USH1C: variants seen among roughly 807,000 people sequenced by gnomAD.
USH1C encodes harmonin.
Under a neutral mutation model 119.3 loss-of-function variants are expected in USH1C, and 90 were observed. The observed-to-expected ratio is 0.75, with a 90% confidence interval of 0.64 to 0.90. USH1C has a LOEUF of 0.90. Among genes scored for constraint, USH1C ranks in the 40% least tolerant of loss-of-function variants. The probability of loss-of-function intolerance (pLI) is 0.00; values close to 1 mark genes in which losing one functional copy is unlikely to be tolerated. For synonymous variants in USH1C, 465 were observed against 443.3 expected (o/e 1.05, Z -0.62); for missense variants, 1,165 against 1,167.7 (o/e 1.00, Z 0.03).
intron 1 of USH1C, among the ~76,000 whole-genome samples, chr11:17,541,108 T>C (rs1851448674): frequency 6.6e-6 from 1 of 152,188 alleles, no homozygotes; most frequent in African/African-American, 2.4e-5. Context: ...CTCCTTCTCC[T>C]CACTTCTTCT....
chr11:17,517,309 C>G, intron 14 of USH1C: 1 of 1,310,440 alleles, frequency 7.6e-7, no homozygotes, highest in Non-Finnish European at 1.1e-6. Flanking sequence ...ACATGCTGGG[C>G]CCCTGAAGCT....
chr11:17,533,941 G>A (rs1027922772), intron 1 of USH1C: 6 of 295,962 alleles, frequency 2.0e-5, no homozygotes, highest in South Asian at 6.5e-5. Flanking sequence ...CACAAGCCCC[G>A]CAGGGGGAGC....
At chr11:17,509,198 G>A (rs910800788) in intron 18 of USH1C, among the ~76,000 whole-genome samples, 158 bp downstream of exon 18, 5 of 152,208 alleles carry the variant, frequency 3.3e-5, no homozygotes, top group Non-Finnish European at 1.5e-5. Context: ...ATACATGCAG[G>A]ATGTCCACAC....
chr11:17,504,774 G>T (rs190638847), intron 19 of USH1C, 77 bp from the exon 20 acceptor site: 2 of 1,500,434 alleles, frequency 1.3e-6, no homozygotes, highest in Non-Finnish European at 1.8e-6. Flanking sequence ...GCCAGGCTTC[G>T]GGCCTGCCAG....
intron 2 of USH1C, among the ~76,000 whole-genome samples, chr11:17,532,194 A>T (rs1315139973): frequency 6.6e-6 from 1 of 152,158 alleles, no homozygotes; most frequent in Non-Finnish European, 1.5e-5. Flanking sequence ...CAGATTACTT[A>T]TCTCCATTCA....
intron 21 of USH1C, 33 bp from the exon 22 acceptor site, chr11:17,501,568 C>T: frequency 1.2e-6 from 2 of 1,602,542 alleles, no homozygotes; most frequent in Non-Finnish European, 1.7e-6. Context: ...AAGCTTTGAG[C>T]TGGCCTGAAG....
intron 15 of USH1C, among the ~76,000 whole-genome samples, chr11:17,513,470 G>A (rs371382392): frequency 6.6e-6 from 1 of 152,122 alleles, no homozygotes; most frequent in African/African-American, 2.4e-5. Context: ...GGAGGGACTT[G>A]GTGGGCCATT....
Position 17,526,341 on chromosome 11 carries a change from A to C in USH1C, c.674+6T>G, listed in dbSNP as rs1362626390. 6.2e-7 allele frequency: 1 copy of C among 1,612,662 alleles called. No individual in the cohort carries two copies. The highest frequency in any genetic ancestry group is 8.5e-7 in the Non-Finnish European group (1 of 1,179,016). ...CGAATGACCCCAGGGCATGCCTGCC[A>C]CCCACCTGCAGCCAAGGCCTCGGGA... On this transcript the variant is annotated splice_donor_region_variant and intron_variant, in intron 8 of 26. Transcript: ENST00000005226.
At chr11:17,496,531 A>C (rs1167424104) in intron 25 of USH1C, among the ~76,000 whole-genome samples, 3 of 152,218 alleles carry the variant, frequency 2.0e-5, no homozygotes, top group Non-Finnish European at 4.4e-5. Context: ...AATTCCCCAT[A>C]GTAGAGAAGA....
At chr11:17,516,358 A>C in intron 14 of USH1C, 68 bp from the exon 15 acceptor site, 1 of 1,516,296 alleles carries the variant, frequency 6.6e-7, no homozygotes, top group Admixed American at 1.8e-5. Flanking sequence ...TGGGCAGCAG[A>C]TGGGAGCTGG....
intron 4 of USH1C, among the ~76,000 whole-genome samples, chr11:17,529,575 A>C (rs192088576): frequency 6.6e-6 from 1 of 152,362 alleles, no homozygotes; most frequent in East Asian, 1.9e-4. Context: ...AGCTCCTCTG[A>C]GTAAAGTTCC....
intron 16 of USH1C, 148 bp downstream of exon 16, chr11:17,511,754 C>T (rs112879626): frequency 3.2e-6 from 3 of 926,852 alleles, no homozygotes; most frequent in African/African-American, 1.7e-5. Flanking sequence ...CATGATCTCT[C>T]TCTCCAGGCT....
chr11:17,519,830 T>C (rs1850334884), intron 14 of USH1C, among the ~76,000 whole-genome samples: 1 of 152,198 alleles, frequency 6.6e-6, no homozygotes, highest in Admixed American at 6.5e-5. Context: ...GCCCTGCACC[T>C]CTTCCTTGGT....
intron 20 of USH1C, among the ~76,000 whole-genome samples, chr11:17,503,672 G>A (rs796678412): frequency 6.6e-6 from 1 of 152,238 alleles, no homozygotes; most frequent in African/African-American, 2.4e-5. Context: ...GCAGGATGGT[G>A]CAGTGTTTAA....
intron 1 of USH1C, among the ~76,000 whole-genome samples, chr11:17,535,707 ATGT>A (rs1851208713): frequency 6.6e-6 from 1 of 152,118 alleles, no homozygotes. Flanking sequence ...AAGGGAAATG[ATGT>A]TGTCCCCATA....
intron 19 of USH1C, among the ~76,000 whole-genome samples, chr11:17,505,370 C>T (rs1283716164): frequency 6.6e-6 from 1 of 152,246 alleles, no homozygotes; most frequent in Non-Finnish European, 1.5e-5. Context: ...AGGGTAACAG[C>T]GTGGGCTTTG....
At position 17,520,944 on chromosome 11, in the gene USH1C, C is replaced by T. The variant is rs202174251; in HGVS notation, c.1136G>A (p.Gly379Asp). 131 of 1,614,058 alleles carry T rather than the reference C, an allele frequency of 8.1e-5. No homozygotes were observed. The highest frequency in any genetic ancestry group is 3.3e-4 in the Middle Eastern group (2 of 6,060). Residue 379 changes from glycine to aspartate, a missense_variant, in exon 14 of 27, where the codon GGC becomes GAC. Transcript: ENST00000005226. ...KFKKQWEEDW[G>D]SKEQLLLPKT... ...AGGCAAGAGTAGCTGTTCCTTTGAG[C>T]CCCAGTCTTCTTCCCATTGCTTCTT...
chr11:17,509,473 G>T lies in USH1C; in HGVS notation c.1896C>A (p.Asn632Lys). The change falls in exon 18 of 27, where the codon AAC (asparagine) becomes AAA (lysine). Residue 632 changes from asparagine (N) to lysine (K), a missense_variant. Coordinates refer to ENST00000005226, the MANE Select transcript of USH1C (RefSeq NM_153676.4). ...LPSALEEALSNHPFRTGDTGN... is the reference protein window; with the variant it reads ...LPSALEEALSKHPFRTGDTGN... ...CTGTGTCCCCAGTGCGGAAGGGATG[G>T]TTGCTCAGTGCTTCTTCCAGCGCCG... The T allele has an allele frequency of 6.2e-7, 1 of 1,605,190 alleles. No individual in the cohort carries two copies.
chr11:17,540,689 G>T (rs528937740), intron 1 of USH1C, among the ~76,000 whole-genome samples: 9 of 152,126 alleles, frequency 5.9e-5, no homozygotes, highest in African/African-American at 1.7e-4. Flanking sequence ...TTCTACGCTC[G>T]CAGCCAATCC....
Sources: gnomAD v4.1 joint callset for allele counts (sites outside exome capture counted in the v4.1 genomes callset) on GRCh38, gnomAD v4.1.1 for gene constraint, MANE v1.5 for transcripts, NCBI Gene and HGNC (gene_info 2026-07-23, HGNC 2026-07-21) for gene names.